The following DDX10 variants were observed in gnomAD, a reference collection of about 807,000 sequenced individuals.
DDX10 encodes DEAD-box helicase 10.
Under a neutral mutation model 104.3 loss-of-function variants are expected in DDX10, and 74 were observed. The observed-to-expected ratio is 0.71, with a 90% CI of 0.59 to 0.86. DDX10 has a LOEUF of 0.86. DDX10 is among the 40% of genes least tolerant of loss of function. The pLI is 0.00. For synonymous variants in DDX10, 351 were observed against 353.4 expected (o/e 0.99, Z 0.08); for missense variants, 952 against 1,040.0 (o/e 0.92, Z 1.16).
chr11:108,800,012 A>G (rs1861997078), intron 13 of DDX10, among the ~76,000 whole-genome samples: 3 of 152,076 alleles, frequency 2.0e-5, no homozygotes, highest in Admixed American at 2.0e-4. Flanking sequence ...TCCAAAGCTC[A>G]CTATAGCCTC....
intron 13 of DDX10, among the ~76,000 whole-genome samples, chr11:108,770,173 G>A (rs1031736840): frequency 3.9e-5 from 6 of 152,096 alleles, no homozygotes; most frequent in African/African-American, 1.4e-4. Context: ...TGGGTACGTA[G>A]GTGCATATAT....
chr11:108,768,776 T>C (rs2094359382), intron 13 of DDX10, among the ~76,000 whole-genome samples: 1 of 152,212 alleles, frequency 6.6e-6, no homozygotes, highest in Non-Finnish European at 1.5e-5. Context: ...TTAGTTGTTA[T>C]CCTCTTCCTC....
At chr11:108,935,921 G>A (rs560078235) in intron 17 of DDX10, among the ~76,000 whole-genome samples, 5 of 152,166 alleles carry the variant, frequency 3.3e-5, no homozygotes, top group African/African-American at 4.8e-5. Context: ...TTTCATTAAC[G>A]AAGATGTAAT....
chr11:108,690,146 G>A (rs575924323), intron 7 of DDX10: 1 of 152,216 alleles, frequency 6.6e-6, no homozygotes, highest in South Asian at 2.1e-4. Flanking sequence ...ACTTGGAAGT[G>A]TATCCTGAGC....
intron 13 of DDX10, among the ~76,000 whole-genome samples, chr11:108,732,059 C>T (rs1190734519): frequency 6.6e-6 from 1 of 152,072 alleles, no homozygotes; most frequent in Non-Finnish European, 1.5e-5. Flanking sequence ...TCTTGTCTCT[C>T]TGGAAAAAGA....
intron 16 of DDX10, among the ~76,000 whole-genome samples, chr11:108,890,480 C>T (rs1863360680): frequency 6.6e-6 from 1 of 151,822 alleles, no homozygotes; most frequent in Admixed American, 6.6e-5. Flanking sequence ...TGAGTGTTAC[C>T]TGGTTCCTGT....
intron 16 of DDX10, among the ~76,000 whole-genome samples, chr11:108,884,034 C>A (rs1000848398): frequency 4.6e-5 from 7 of 152,134 alleles, no homozygotes; most frequent in African/African-American, 1.7e-4. Flanking sequence ...CATTTTCAGC[C>A]TTTAAATATC....
At chr11:108,847,141 G>C (rs1862730380) in intron 15 of DDX10, among the ~76,000 whole-genome samples, 1 of 152,188 alleles carries the variant, frequency 6.6e-6, no homozygotes, top group Admixed American at 6.5e-5. Flanking sequence ...TAAAAATACA[G>C]CAAAAGCTGT....
rs192113881 is a variant in DDX10 at position 108,687,721 on chromosome 11, C to T, written c.849-1215C>T. Among the ~76,000 whole-genome samples the T allele has an allele frequency of 1.8e-4, 27 of 152,204 alleles. No homozygotes were observed. In the East Asian group the frequency reaches 3.9e-3, roughly 22 times the overall value. Reference sequence around the variant, plus strand: ...TTTTTGCAAATATTTTTCTCCATTCCGTGGCTTATCTTCTAATTCTTTTGA... The same window carrying T: ...TTTTTGCAAATATTTTTCTCCATTCTGTGGCTTATCTTCTAATTCTTTTGA... On this transcript the variant is annotated intron_variant, in intron 6 of 17. Coordinates refer to ENST00000322536, the MANE Select transcript of DDX10 (RefSeq NM_004398.4).
intron 13 of DDX10, among the ~76,000 whole-genome samples, chr11:108,749,050 G>GTCTC (rs974317871): frequency 9.4e-5 from 14 of 148,622 alleles, no homozygotes; most frequent in South Asian, 2.1e-4. Context: ...AGACAACCAT[G>GTCTC]TCTCTCTCTC....
chr11:108,708,198 A>G (rs1240344992), intron 10 of DDX10, among the ~76,000 whole-genome samples: 1 of 143,470 alleles, frequency 7.0e-6, no homozygotes, highest in Non-Finnish European at 1.5e-5. Context: ...CTCTATTCCT[A>G]GTTTACTGAG....
intron 6 of DDX10, among the ~76,000 whole-genome samples, chr11:108,688,704 C>T (rs1349831485): frequency 5.3e-5 from 8 of 152,144 alleles, no homozygotes; most frequent in Non-Finnish European, 1.2e-4. Flanking sequence ...AATCACTGTT[C>T]TTGTCATGCT....
rs1289097146 is a variant in DDX10, at chr11:108,723,122, A to G, written c.1625A>G (p.Asn542Ser). ...VIEPRAPSLT[N>S]DEVEEFRAYF... ...GAGCCAAGGGCTCCCTCCCTCACCA[A>G]TGACGAAGTGGAAGAATTTAGAGCC... Residue 542 changes from asparagine (N) to serine (S), a missense_variant, in exon 13 of 18, where the codon AAT becomes AGT. Physicochemically the swap from Asn to Ser is conservative, Grantham distance 46. Around this residue, in one of 3 missense-constraint regions of DDX10, gnomAD observed 533 missense variants for 534.1 expected, o/e 1.00. Coordinates refer to ENST00000322536, the MANE Select transcript of DDX10 (RefSeq NM_004398.4). 9.9e-6 allele frequency: 16 copies of G among 1,613,760 alleles called. No individual in the cohort carries two copies. The East Asian group carries it at 1.3e-4, about 13-fold the overall frequency.
chr11:108,708,346 C>CT (rs34027233), intron 10 of DDX10, among the ~76,000 whole-genome samples: 1 of 93,554 alleles, frequency 1.1e-5, no homozygotes, highest in South Asian at 3.6e-4. Context: ...ACATTAAGGT[C>CT]TTTTTTTTTT....
intron 16 of DDX10, among the ~76,000 whole-genome samples, chr11:108,853,428 G>T (rs1445604716): frequency 1.3e-5 from 2 of 152,084 alleles, no homozygotes; most frequent in Non-Finnish European, 2.9e-5. Context: ...ATATAATCTA[G>T]AGCCAAAGAA....
intron 17 of DDX10, chr11:108,919,036 G>A (rs2134665066): frequency 6.6e-6 from 1 of 152,336 alleles, no homozygotes; most frequent in East Asian, 1.9e-4. Flanking sequence ...AGAACATTAT[G>A]AAAAGGTCTT....
intron 13 of DDX10, among the ~76,000 whole-genome samples, chr11:108,802,823 C>G (rs1862040803): frequency 6.6e-6 from 1 of 152,138 alleles, no homozygotes; most frequent in Non-Finnish European, 1.5e-5. Flanking sequence ...ATGAATTTAT[C>G]TTTGTAGATT....
In DDX10 at chr11:108,875,897, A is replaced by G. The variant is rs144498165; in HGVS notation, c.2304+23688A>G. Among the ~76,000 whole-genome samples the G allele has an allele frequency of 4.2e-3, 640 of 152,282 alleles. 4 individuals are homozygous for G. Among genetic ancestry groups the G allele is most frequent in the Admixed American group, 6.3e-3 (96 of 15,296 alleles). ...TCTGTGGGTTTCACTGTTTTCATACAGATGATGCCTAGCTTATAAGACTGT... is the reference window on the plus strand; with the variant it reads ...TCTGTGGGTTTCACTGTTTTCATACGGATGATGCCTAGCTTATAAGACTGT... On this transcript the variant is annotated intron_variant, in intron 16 of 17. Coordinates refer to ENST00000322536, the MANE Select transcript of DDX10 (RefSeq NM_004398.4).
intron 13 of DDX10, among the ~76,000 whole-genome samples, chr11:108,817,837 A>G (rs1171095261): frequency 1.3e-5 from 2 of 152,230 alleles, no homozygotes; most frequent in Non-Finnish European, 2.9e-5. Context: ...GGCTCATACA[A>G]GGTTTTACAT....
Sources: gnomAD v4.1 joint callset for allele counts (sites outside exome capture counted in the v4.1 genomes callset) on GRCh38, gnomAD v4.1.1 for gene constraint, gnomAD v4.1.1 regional missense constraint, MANE v1.5 for transcripts, NCBI Gene and HGNC (gene_info 2026-07-23, HGNC 2026-07-21) for gene names.